Variants in GNG2 observed in about 807,000 individuals in gnomAD.
The protein encoded by GNG2 is G protein subunit gamma 2, also known as guanine nucleotide-binding protein G(I)/G(S)/G(O) subunit gamma-2.
A neutral mutation model predicts 5.5 loss-of-function variants in GNG2; 5 were observed. The ratio of observed to expected loss-of-function variants is 0.91; its 90% CI spans 0.48 to 1.92. The LOEUF is 1.92. Ranked by LOEUF, GNG2 falls within the 30% of genes most tolerant of loss-of-function variation. The pLI, the probability that GNG2 is intolerant of heterozygous loss-of-function variation, is 0.01. For missense variants in GNG2, 55 were observed against 88.4 expected (o/e 0.62, Z 1.52); for synonymous variants, 28 against 32.0 (o/e 0.88, Z 0.42).
chr14:51,876,237 C>A (rs1447976870), intron 1 of GNG2, among the ~76,000 whole-genome samples: 2 of 151,880 alleles, frequency 1.3e-5, no homozygotes, highest in East Asian at 3.8e-4. Flanking sequence ...CTGCACCTGG[C>A]CCGTTTAAAT....
intron 2 of GNG2, among the ~76,000 whole-genome samples, chr14:51,938,514 T>TAA (rs1349748779): frequency 1.3e-5 from 2 of 152,232 alleles, no homozygotes; most frequent in African/African-American, 4.8e-5. Flanking sequence ...ATCCCCACTT[T>TAA]AAGGCTGAGC....
chr14:51,854,653 C>T (rs945361833), intron 2 of GNG2, among the ~76,000 whole-genome samples: 1 of 151,894 alleles, frequency 6.6e-6, no homozygotes, highest in Non-Finnish European at 1.5e-5. Context: ...GCTGGGATTA[C>T]AGGTACCCGC....
At chr14:51,955,117 TA>T (rs1245844071) in intron 3 of GNG2, among the ~76,000 whole-genome samples, 1 of 152,174 alleles carries the variant, frequency 6.6e-6, no homozygotes, top group African/African-American at 2.4e-5. Flanking sequence ...AGAGCATGGG[TA>T]AAATGATTGC....
At chr14:51,852,926 AT>A (rs1181311813) in intron 2 of GNG2, among the ~76,000 whole-genome samples, 4 of 151,824 alleles carry the variant, frequency 2.6e-5, no homozygotes, top group Admixed American at 2.0e-4. Flanking sequence ...TCAAGAACAG[AT>A]TTTTTTTTCC....
At chr14:51,846,019 A>T (rs1369609341) in intron 2 of GNG2, among the ~76,000 whole-genome samples, 2 of 152,208 alleles carry the variant, frequency 1.3e-5, no homozygotes, top group African/African-American at 4.8e-5. Flanking sequence ...TTGACAAGAT[A>T]GGTATTACAA....
chr14:51,964,117 A>G (rs1889767602), intron 3 of GNG2, among the ~76,000 whole-genome samples: 1 of 152,184 alleles, frequency 6.6e-6, no homozygotes, highest in Non-Finnish European at 1.5e-5. Context: ...CCACATAAAG[A>G]CACAGACACT....
At chr14:51,938,294 C>A (rs6572803) in intron 2 of GNG2, among the ~76,000 whole-genome samples, 8,913 of 152,156 alleles carry the variant, frequency 0.059, 516 homozygotes, top group East Asian at 0.27. Flanking sequence ...TTTCCCTTTG[C>A]CATTCTTATT....
At chr14:51,937,782 A>T (rs1002606441) in intron 2 of GNG2, among the ~76,000 whole-genome samples, 14 of 152,212 alleles carry the variant, frequency 9.2e-5, no homozygotes, top group Admixed American at 2.0e-4. Context: ...AATATTTTTT[A>T]AAAGTGAATT....
At chr14:51,865,524 C>CT (rs1882817661) in intron 1 of GNG2, among the ~76,000 whole-genome samples, 1 of 152,122 alleles carries the variant, frequency 6.6e-6, no homozygotes, top group South Asian at 2.1e-4. Context: ...TAAAAATGAT[C>CT]TGGGGGGTGA....
At chr14:51,844,336 C>A (rs1052584353) in intron 2 of GNG2, among the ~76,000 whole-genome samples, 1 of 152,218 alleles carries the variant, frequency 6.6e-6, no homozygotes, top group Non-Finnish European at 1.5e-5. Flanking sequence ...TTCAAACTCT[C>A]TCTCCCCAGG....
At chr14:51,874,523 G>A (rs191451951) in intron 1 of GNG2, among the ~76,000 whole-genome samples, 4 of 151,684 alleles carry the variant, frequency 2.6e-5, no homozygotes, top group African/African-American at 9.7e-5. Flanking sequence ...CTTGACCCCT[G>A]AGTTTGAGAC....
At chr14:51,948,077 G>C (rs1304864997) in intron 2 of GNG2, among the ~76,000 whole-genome samples, 1 of 152,224 alleles carries the variant, frequency 6.6e-6, no homozygotes, top group Non-Finnish European at 1.5e-5. Context: ...CAGGCCAGTA[G>C]CAGGAGGAAG....
At position 51,834,407 on chromosome 14, in the gene GNG2, T is replaced by C. The variant is rs150924768; in HGVS notation, c.64+6600T>C. On this transcript the variant is annotated intron_variant, in intron 2 of 3. Transcript: ENST00000553432. ...CTCCCCTGCCGAGGTCAGAGCCACA[T>C]GGAAATGAGGCCTTCCTTGGTGACA... 2.4e-3 allele frequency among the ~76,000 whole-genome samples: 358 copies of C among 152,314 alleles called. 2 individuals are homozygous for C. Among genetic ancestry groups the C allele is most frequent in the Middle Eastern group, 6.8e-3 (2 of 294 alleles).
upstream of GNG2, among the ~76,000 whole-genome samples, chr14:51,857,877 G>A (rs1048738637): frequency 1.1e-4 from 16 of 152,110 alleles, no homozygotes; most frequent in Non-Finnish European, 1.8e-4. Flanking sequence ...ACATAATTTG[G>A]GGATTATTAA....
intron 3 of GNG2, among the ~76,000 whole-genome samples, chr14:51,955,241 G>A (rs1026568243): frequency 1.3e-5 from 2 of 152,118 alleles, no homozygotes; most frequent in African/African-American, 4.8e-5. Context: ...CTAAAAGTGT[G>A]CTATGCAAAG....
chr14:51,946,935 G>GA (rs950536265), intron 2 of GNG2, among the ~76,000 whole-genome samples: 6 of 151,624 alleles, frequency 4.0e-5, no homozygotes, highest in African/African-American at 9.7e-5. Flanking sequence ...AGCTGGATGT[G>GA]AAAAAAAAGG....
At chr14:51,826,801 G>A (rs1881041628) in intron 1 of GNG2, among the ~76,000 whole-genome samples, 1 of 152,130 alleles carries the variant, frequency 6.6e-6, no homozygotes, top group Admixed American at 6.5e-5. Context: ...GAATGGTGAA[G>A]TTTTGGAATT....
chr14:51,884,271 G>A (rs1884292692), intron 2 of GNG2, among the ~76,000 whole-genome samples: 2 of 152,236 alleles, frequency 1.3e-5, no homozygotes, highest in South Asian at 4.1e-4. Flanking sequence ...GAGAGGGCTG[G>A]TGGTAGTGAG....
chr14:51,836,013 T>C (rs1186460760), intron 2 of GNG2, among the ~76,000 whole-genome samples: 1 of 151,712 alleles, frequency 6.6e-6, no homozygotes, highest in Non-Finnish European at 1.5e-5. Flanking sequence ...TAGAAATTTA[T>C]TTCTCACAGT....
Sources: gnomAD v4.1 joint callset for allele counts (sites outside exome capture counted in the v4.1 genomes callset) on GRCh38, gnomAD v4.1.1 for gene constraint, MANE v1.5 for transcripts, NCBI Gene and HGNC (gene_info 2026-07-23, HGNC 2026-07-21) for gene names.